Variants in CTNNA2 observed in about 807,000 individuals in gnomAD.
CTNNA2 encodes catenin alpha 2.
Under a neutral mutation model 101.0 loss-of-function variants are expected in CTNNA2, and 42 were observed. The observed-to-expected ratio is 0.42, with a 90% CI of 0.32 to 0.54. The LOEUF is 0.54. CTNNA2 is among the 20% of genes least tolerant of loss of function. CTNNA2 has a pLI of 0.14. For synonymous variants in CTNNA2, 450 were observed against 456.4 expected (o/e 0.99, Z 0.18); for missense variants, 871 against 1,223.1 (o/e 0.71, Z 4.29).
intron 4 of CTNNA2, among the ~76,000 whole-genome samples, chr2:79,399,503 A>G (rs1584666): frequency 0.79 from 119,531 of 152,032 alleles, 47,154 homozygotes; most frequent in East Asian, 0.93. Flanking sequence ...CCAATCATTA[A>G]CTGACCAAGA....
intron 4 of CTNNA2, among the ~76,000 whole-genome samples, chr2:79,376,704 C>A (rs1677980071): frequency 6.6e-6 from 1 of 152,042 alleles, no homozygotes; most frequent in Admixed American, 6.6e-5. Context: ...TCTCATTGTT[C>A]AATTCCCACC....
intron 8 of CTNNA2, 152 bp from the exon 9 acceptor site, chr2:80,419,297 C>T: frequency 6.7e-6 from 4 of 594,098 alleles, no homozygotes; most frequent in South Asian, 2.2e-5. Context: ...ATTGGTTTTC[C>T]TTTAATAATG....
At chr2:79,283,029 T>C (rs1478007634) in intron 2 of CTNNA2, among the ~76,000 whole-genome samples, 2 of 88,626 alleles carry the variant, frequency 2.3e-5, no homozygotes, top group Non-Finnish European at 5.5e-5. Flanking sequence ...CATTTTTTCA[T>C]GTGTTTTTTG....
intron 7 of CTNNA2, among the ~76,000 whole-genome samples, chr2:80,366,075 T>C (rs1674905552): frequency 6.6e-6 from 1 of 152,152 alleles, no homozygotes; most frequent in Non-Finnish European, 1.5e-5. Context: ...ATGTGGCAAT[T>C]CTCACACAGA....
At chr2:79,960,324 C>T (rs2104527835) in intron 7 of CTNNA2, among the ~76,000 whole-genome samples, 1 of 152,308 alleles carries the variant, frequency 6.6e-6, no homozygotes, top group African/African-American at 2.4e-5. Context: ...TTTAATATAA[C>T]TCACATACAT....
At chr2:80,560,658 C>T (rs1693501891) in intron 12 of CTNNA2, among the ~76,000 whole-genome samples, 1 of 152,158 alleles carries the variant, frequency 6.6e-6, no homozygotes, top group Non-Finnish European at 1.5e-5. Flanking sequence ...TCTGTCCTCC[C>T]TGCAACGTTC....
chr2:79,465,957 A>G (rs1002640126), intron 4 of CTNNA2, among the ~76,000 whole-genome samples: 4 of 152,162 alleles, frequency 2.6e-5, no homozygotes, highest in African/African-American at 9.6e-5. Context: ...TCCCAGCATG[A>G]GTGACGTAAA....
At chr2:80,479,791 A>T (rs899959004) in intron 9 of CTNNA2, among the ~76,000 whole-genome samples, 22 of 152,202 alleles carry the variant, frequency 1.4e-4, no homozygotes, top group African/African-American at 5.3e-4. Context: ...TATTGAAAAC[A>T]TTTTAATCAC....
intron 7 of CTNNA2, among the ~76,000 whole-genome samples, chr2:80,358,343 CTTTTTTT>C (rs35040432): frequency 4.9e-4 from 49 of 99,724 alleles, no homozygotes; most frequent in African/African-American, 1.3e-3. Flanking sequence ...TAGTATTCTA[CTTTTTTT>C]TTTTTTTTTT....
At chr2:79,726,558 C>G (rs1193156001) in intron 2 of CTNNA2, among the ~76,000 whole-genome samples, 4 of 152,172 alleles carry the variant, frequency 2.6e-5, no homozygotes, top group Non-Finnish European at 4.4e-5. Context: ...TGAGGTGGAG[C>G]AGTTTCATCC....
At chr2:79,439,839 G>A (rs1214186579) in intron 4 of CTNNA2, among the ~76,000 whole-genome samples, 1 of 152,158 alleles carries the variant, frequency 6.6e-6, no homozygotes, top group Non-Finnish European at 1.5e-5. Context: ...GGGGCAATAT[G>A]TTTTAACAAG....
chr2:79,230,723 G>T (rs2104237916), intron 2 of CTNNA2, among the ~76,000 whole-genome samples: 1 of 152,282 alleles, frequency 6.6e-6, no homozygotes, highest in South Asian at 2.1e-4. Flanking sequence ...GGCACTCAAT[G>T]CTAGCCCATG....
intron 8 of CTNNA2, among the ~76,000 whole-genome samples, chr2:80,401,717 C>G (rs1678565330): frequency 2.6e-5 from 4 of 151,872 alleles, no homozygotes; most frequent in Admixed American, 2.6e-4. Flanking sequence ...TCCTTGGCCT[C>G]TATTAGACCT....
Position 80,277,553 on chromosome 2 carries a change from G to GAAAAAAAAAAAAAA in CTNNA2, c.1057-115651_1057-115638dup, listed in dbSNP as rs10650278. Among the ~76,000 whole-genome samples, 4 of 83,828 alleles carry GAAAAAAAAAAAAAA rather than the reference G, an allele frequency of 4.8e-5. 2 individuals carry two copies. Among genetic ancestry groups the GAAAAAAAAAAAAAA allele is most frequent in the African/African-American group, 9.2e-5 (2 of 21,764 alleles). The allele number at this position is 83,828 out of a possible 152,430, so 55.0% of individuals were successfully genotyped here. On this transcript the variant is annotated intron_variant, in intron 7 of 18. Transcript: ENST00000402739. Reference sequence around the variant, plus strand: ...AGGAGAGACTCAGGGAAGGATTTCTGAAAAAAAAAAAAAAAAAAAATGGAC... The same window carrying GAAAAAAAAAAAAAA: ...AGGAGAGACTCAGGGAAGGATTTCTGAAAAAAAAAAAAAAAAAAAAAAAAAAAAAAAAAATGGAC...
intron 2 of CTNNA2, among the ~76,000 whole-genome samples, chr2:79,715,715 T>C (rs948658433): frequency 9.2e-5 from 14 of 152,222 alleles, no homozygotes; most frequent in Middle Eastern, 6.8e-3. Flanking sequence ...GGGGACTAAA[T>C]ATGAAACTTG....
Position 80,647,917 on chromosome 2 carries a change from TTC to T in CTNNA2, c.*47_*48del, listed in dbSNP as rs1674284615. The T allele has an allele frequency of 6.6e-7, 1 of 1,514,766 alleles. No individual in the cohort carries two copies. Among genetic ancestry groups the T allele is most frequent in the Non-Finnish European group, 8.8e-7 (1 of 1,131,706 alleles). 93.8% of individuals were successfully genotyped at this position (1,514,766 alleles called of 1,614,324 possible). A position where few individuals can be genotyped will look rare whatever the true frequency, so the allele number is the denominator to read the frequency against. On this transcript the variant is annotated 3_prime_UTR_variant, in exon 19 of 19. Transcript: ENST00000402739. ...AAAGCTTTTTCTTTCTTTTCTTTCT[TTC>T]TTTTTCTTTTTAATTCCATTTTTGT... is the stretch of plus-strand genomic sequence containing the variant.
Position 79,858,124 on chromosome 2 carries a change from T to C in CTNNA2, c.410T>C (p.Leu137Ser). Residue 137 changes from leucine (L) to serine (S), a missense_variant, in exon 4 of 19, where the codon TTA (leucine) becomes TCA (serine). Leu to Ser is a moderately radical substitution (Grantham distance 145, BLOSUM62 -2). Coordinates refer to ENST00000402739, the MANE Select transcript of CTNNA2 (RefSeq NM_001282597.3). ...GCTTTGCTCTCCGCGGTGACACGCT[T>C]ACTCATCCTGGCGGACATGGCAGAT... Reference protein sequence around the residue: ...ARALLSAVTRLLILADMADVM... With the variant: ...ARALLSAVTRSLILADMADVM... 1 of 1,614,062 alleles carries C rather than the reference T, an allele frequency of 6.2e-7. No homozygotes were observed. Among genetic ancestry groups the C allele is most frequent in the Non-Finnish European group, 8.5e-7 (1 of 1,179,924 alleles).
intron 1 of CTNNA2, among the ~76,000 whole-genome samples, chr2:79,571,231 TCTTAC>T (rs1675441972): frequency 6.6e-6 from 1 of 152,128 alleles, no homozygotes; most frequent in Non-Finnish European, 1.5e-5. Flanking sequence ...GTAACAAGTG[TCTTAC>T]CTTGGAAATT....
At chr2:79,243,029 C>CACACACACACAT (rs1369431500) in intron 2 of CTNNA2, among the ~76,000 whole-genome samples, 11 of 149,554 alleles carry the variant, frequency 7.4e-5, no homozygotes, top group Admixed American at 5.3e-4. Context: ...CACACACACA[C>CACACACACACAT]GTTAATATTC....
Sources: allele counts gnomAD v4.1 joint callset (sites outside exome capture counted in the v4.1 genomes callset), GRCh38; gene constraint gnomAD v4.1.1; transcripts MANE v1.5; gene names NCBI Gene and HGNC (gene_info 2026-07-23, HGNC 2026-07-21).